FUT9: variants seen among roughly 807,000 people sequenced by gnomAD.
FUT9 encodes 4-galactosyl-N-acetylglucosaminide 3-alpha-L-fucosyltransferase 9.
A neutral mutation model predicts 29.7 loss-of-function variants in FUT9; 15 were observed. The ratio of observed to expected loss-of-function variants is 0.51; its 90% CI spans 0.34 to 0.78. FUT9 has a LOEUF of 0.78. Among genes scored for constraint, FUT9 ranks in the 30% least tolerant of loss-of-function variants. The probability of loss-of-function intolerance (pLI) is 0.01; values close to 1 mark genes in which losing one functional copy is unlikely to be tolerated. For synonymous variants in FUT9, 169 were observed against 153.7 expected, an observed-to-expected ratio of 1.10 and a Z score of -0.74; for missense variants, 319 against 425.4, an observed-to-expected ratio of 0.75 and a Z score of 2.20.
intron 2 of FUT9, among the ~76,000 whole-genome samples, chr6:96,164,134 G>C (rs1447183437): frequency 6.6e-6 from 1 of 151,976 alleles, no homozygotes. Context: ...GGCCCTCCAG[G>C]TCTTAGGTGT....
chr6:96,035,764 A>C (rs1770345680), intron 1 of FUT9, among the ~76,000 whole-genome samples: 1 of 126,566 alleles, frequency 7.9e-6, no homozygotes, highest in South Asian at 2.3e-4. Flanking sequence ...ATAATATTAT[A>C]ATTAAAATAT....
At chr6:96,138,866 T>C (rs942742050) in intron 2 of FUT9, among the ~76,000 whole-genome samples, 2 of 152,194 alleles carry the variant, frequency 1.3e-5, no homozygotes, top group East Asian at 3.8e-4. Context: ...AAACTTAGTA[T>C]GGAGCTTTCA....
At chr6:96,065,060 T>C (rs1190532583) in intron 1 of FUT9, among the ~76,000 whole-genome samples, 4 of 152,168 alleles carry the variant, frequency 2.6e-5, no homozygotes, top group African/African-American at 9.7e-5. Context: ...ACATGTTCCA[T>C]GTGAATTTTA....
intron 2 of FUT9, among the ~76,000 whole-genome samples, chr6:96,161,526 CAGAT>C (rs1387731005): frequency 4.6e-5 from 7 of 152,148 alleles, no homozygotes; most frequent in South Asian, 2.1e-4. Context: ...TAGGTAGAGA[CAGAT>C]AGATAGATAG....
chr6:96,071,158 T>C (rs1225287447), intron 1 of FUT9, among the ~76,000 whole-genome samples: 4 of 152,214 alleles, frequency 2.6e-5, no homozygotes, highest in African/African-American at 7.2e-5. Context: ...TCAGATGTAG[T>C]AGAGGACTTT....
intron 1 of FUT9, among the ~76,000 whole-genome samples, chr6:96,096,949 T>C (rs1191315909): frequency 6.6e-6 from 1 of 152,082 alleles, no homozygotes; most frequent in African/African-American, 2.4e-5. Context: ...ATCTCTGGTG[T>C]TAGAGCACCC....
chr6:96,024,082 AGAT>A (rs1770120701), intron 1 of FUT9, among the ~76,000 whole-genome samples: 2 of 151,934 alleles, frequency 1.3e-5, no homozygotes, highest in African/African-American at 4.8e-5. Flanking sequence ...TCCATTCATG[AGAT>A]GATGTTAACT....
intron 2 of FUT9, among the ~76,000 whole-genome samples, chr6:96,202,207 A>G (rs1773737880): frequency 1.3e-5 from 2 of 152,054 alleles, no homozygotes; most frequent in Non-Finnish European, 1.5e-5. Flanking sequence ...ACTTGAAAAC[A>G]CTTTTTTCTT....
intron 2 of FUT9, among the ~76,000 whole-genome samples, chr6:96,138,870 G>A (rs2127972269): frequency 6.6e-6 from 1 of 152,160 alleles, no homozygotes; most frequent in African/African-American, 2.4e-5. Context: ...TTAGTATGGA[G>A]CTTTCAGGTA....
intron 1 of FUT9, among the ~76,000 whole-genome samples, chr6:96,054,798 A>T (rs1359096257): frequency 6.6e-6 from 1 of 152,214 alleles, no homozygotes; most frequent in East Asian, 1.9e-4. Context: ...AGAAAAAAAT[A>T]GTGCATATAT....
intron 2 of FUT9, among the ~76,000 whole-genome samples, chr6:96,174,615 T>C (rs184529266): frequency 6.6e-6 from 1 of 152,108 alleles, no homozygotes; most frequent in Admixed American, 6.6e-5. Context: ...AGAGGCTCAC[T>C]ATTACCACGA....
rs376403164 is a variant in FUT9 at position 96,203,496 on chromosome 6, G to C, written c.341G>C (p.Ser114Thr). The change falls in exon 3 of 3, where the codon AGT becomes ACT. Residue 114 changes from serine to threonine, a missense_variant. Physicochemically the swap from Ser to Thr is moderately conservative, Grantham distance 58 (BLOSUM62 1). Coordinates refer to ENST00000302103, the MANE Select transcript of FUT9 (RefSeq NM_006581.4). The stretch of plus-strand genomic sequence containing the variant: ...GTTCTGATCCATCACCGAGACATCA[G>C]TTGGGATCTGACAAATTTACCTCAG... Reference protein sequence around the residue: ...HAVLIHHRDISWDLTNLPQQA... With the variant: ...HAVLIHHRDITWDLTNLPQQA... The C allele has an allele frequency of 1.2e-5, 20 of 1,612,088 alleles. No individual in the cohort carries two copies. Among genetic ancestry groups the C allele is most frequent in the Non-Finnish European group, 1.7e-6 (2 of 1,179,102 alleles).
At chr6:96,110,536 T>C (rs1582237567) in intron 1 of FUT9, among the ~76,000 whole-genome samples, 1 of 151,984 alleles carries the variant, frequency 6.6e-6, no homozygotes, top group African/African-American at 2.4e-5. Flanking sequence ...AAAAGATACA[T>C]CCCCTAGAGG....
chr6:96,088,923 C>T (rs1771366782), intron 1 of FUT9, among the ~76,000 whole-genome samples: 1 of 132,786 alleles, frequency 7.5e-6, no homozygotes, highest in Admixed American at 7.0e-5. Flanking sequence ...TTATTGGGCA[C>T]AGCTAAGTTA....
rs572420343 is a variant in FUT9 at position 96,210,581 on chromosome 6, A to C, written c.*6346A>C. On this transcript the variant is annotated 3_prime_UTR_variant, in exon 3 of 3. Transcript: ENST00000302103. ...TCTCGTCTTGGAGGAACTATTAGGA[A>C]AATAAAAGATTATATATCTTGAAAA... The C allele has an allele frequency of 3.6e-5, 6 of 167,032 alleles. No individual in the cohort carries two copies. The highest frequency in any genetic ancestry group is 1.4e-4 in the African/African-American group (6 of 41,542). 10.3% of individuals were successfully genotyped at this position (167,032 alleles called of 1,614,324 possible).
At chr6:96,088,622 C>A (rs966498998) in intron 1 of FUT9, among the ~76,000 whole-genome samples, 3 of 151,752 alleles carry the variant, frequency 2.0e-5, no homozygotes, top group Non-Finnish European at 4.4e-5. Context: ...TCATCAGTTT[C>A]ACTAGTCTGT....
chr6:96,066,719 A>T (rs2127946065), intron 1 of FUT9, among the ~76,000 whole-genome samples: 1 of 152,242 alleles, frequency 6.6e-6, no homozygotes, highest in African/African-American at 2.4e-5. Flanking sequence ...AAATCTTTGT[A>T]TAACTCATAC....
rs142885059 is a variant in FUT9 at position 96,053,694 on chromosome 6, G to T, written c.-98+37482G>T. On this transcript the variant is annotated intron_variant, in intron 1 of 2. Coordinates refer to ENST00000302103, the MANE Select transcript of FUT9 (RefSeq NM_006581.4). ...ACTCCACTCCAGCCTGGGCAACAGA[G>T]CGAGACTCCATCTCTAAATAAATAA... Among the ~76,000 whole-genome samples the T allele has an allele frequency of 1.8e-3, 271 of 152,224 alleles. 1 individual carries two copies. The highest frequency in any genetic ancestry group is 6.3e-3 in the African/African-American group (260 of 41,538).
At chr6:96,166,324 T>C (rs879548042) in intron 2 of FUT9, among the ~76,000 whole-genome samples, 3 of 152,236 alleles carry the variant, frequency 2.0e-5, no homozygotes, top group Non-Finnish European at 4.4e-5. Context: ...GTCTATACAT[T>C]GTCAGTTGTT....
Sources: gnomAD v4.1 joint callset for allele counts (sites outside exome capture counted in the v4.1 genomes callset) on GRCh38, gnomAD v4.1.1 for gene constraint, MANE v1.5 for transcripts, NCBI Gene and HGNC (gene_info 2026-07-23, HGNC 2026-07-21) for gene names.